Variants in CCDC30 observed in about 807,000 individuals in gnomAD.
CCDC30 encodes the protein coiled-coil domain-containing protein 30.
CCDC30 carries 70 observed loss-of-function variants against 100.2 expected under a neutral mutation model. The ratio of observed to expected loss-of-function variants is 0.70; its 90% CI spans 0.58 to 0.85. The LOEUF (loss-of-function observed/expected upper bound fraction) is 0.85. Ranked by LOEUF, CCDC30 falls within the 40% of genes least tolerant of loss-of-function variation. The pLI, the probability that CCDC30 is intolerant of heterozygous loss-of-function variation, is 0.00. For missense variants in CCDC30, 652 were observed against 771.2 expected (o/e 0.85, Z 1.83); for synonymous variants, 233 against 269.5 (o/e 0.86, Z 1.33).
At chr1:42,552,235 T>C (rs1645266554) in intron 6 of CCDC30, among the ~76,000 whole-genome samples, 2 of 152,292 alleles carry the variant, frequency 1.3e-5, no homozygotes, top group Admixed American at 6.5e-5. Context: ...TTAATAAAAA[T>C]GTAAAATGGC....
chr1:42,634,482 T>C (rs1647110670), intron 11 of CCDC30, among the ~76,000 whole-genome samples: 1 of 152,262 alleles, frequency 6.6e-6, no homozygotes, highest in African/African-American at 2.4e-5. Context: ...TTTAGAGTTA[T>C]TTGGTGTAAT....
upstream of CCDC30, chr1:42,459,994 A>G (rs762935673): frequency 8.6e-6 from 13 of 1,507,178 alleles, no homozygotes; most frequent in African/African-American, 1.5e-4. Flanking sequence ...TACAAAAAAA[A>G]CCATGGCTTT....
intron 1 of CCDC30, among the ~76,000 whole-genome samples, chr1:42,475,888 G>GT (rs989486425): frequency 1.3e-4 from 19 of 148,682 alleles, no homozygotes; most frequent in East Asian, 3.9e-4. Context: ...TCCTCTTTAG[G>GT]TTTTTTTTTT....
intron 6 of CCDC30, among the ~76,000 whole-genome samples, chr1:42,522,346 A>G (rs1644661481): frequency 6.6e-6 from 1 of 152,182 alleles, no homozygotes; most frequent in East Asian, 1.9e-4. Flanking sequence ...TACATTTAAA[A>G]TAATTACAGA....
intron 11 of CCDC30, among the ~76,000 whole-genome samples, chr1:42,615,613 T>TA (rs376719993): frequency 4.8e-4 from 73 of 152,062 alleles, no homozygotes; most frequent in East Asian, 1.4e-3. Flanking sequence ...AAGCAATTCT[T>TA]AAAAAAAACC....
At chr1:42,582,562 T>C (rs1645989435) in intron 9 of CCDC30, among the ~76,000 whole-genome samples, 1 of 152,202 alleles carries the variant, frequency 6.6e-6, no homozygotes, top group Non-Finnish European at 1.5e-5. Flanking sequence ...AGGAATCTGG[T>C]GAAGCTTTCC....
chr1:42,523,569 C>T (rs1038768913), intron 6 of CCDC30, among the ~76,000 whole-genome samples: 2 of 151,960 alleles, frequency 1.3e-5, no homozygotes, highest in African/African-American at 2.4e-5. Context: ...TTGGTGTGGT[C>T]GTCTCTGAGC....
intron 6 of CCDC30, among the ~76,000 whole-genome samples, chr1:42,565,532 AG>A (rs1645587410): frequency 6.6e-6 from 1 of 152,230 alleles, no homozygotes; most frequent in South Asian, 2.1e-4. Context: ...AAAAGACAAA[AG>A]GTAAGTGTTG....
intron 6 of CCDC30, among the ~76,000 whole-genome samples, chr1:42,552,867 G>A (rs773520766): frequency 9.9e-5 from 15 of 152,106 alleles, no homozygotes; most frequent in Admixed American, 2.6e-4. Context: ...CTTCCAGGTG[G>A]GTTGGAATTC....
chr1:42,459,362 C>T, upstream of CCDC30: 2 of 483,036 alleles, frequency 4.1e-6, no homozygotes, highest in Non-Finnish European at 7.4e-6. Flanking sequence ...CATGGTTTTG[C>T]CATGTTGCCC....
chr1:42,642,053 A>G (rs2147315), intron 12 of CCDC30, among the ~76,000 whole-genome samples: 38,180 of 151,770 alleles, frequency 0.25, 5,786 homozygotes, highest in Middle Eastern at 0.35. Context: ...GTGAAACCCC[A>G]TCTCTACTAA....
chr1:42,468,725 AT>A (rs1275488414), intron 1 of CCDC30: 1 of 152,218 alleles, frequency 6.6e-6, no homozygotes, highest in Non-Finnish European at 1.5e-5. Context: ...TGAGGTAGGC[AT>A]TACTATTACA....
In CCDC30 at chr1:42,510,151, G is replaced by A. The variant is rs1050401274; in HGVS notation, c.456+11235G>A. ...GCATTTGAGGGTTTCAATTAGGGTT[G>A]TCAATAAGTACTGCCTCTCTTCCAA... On this transcript the variant is annotated intron_variant, in intron 6 of 16. Transcript: ENST00000668663. 3.1e-6 allele frequency: 3 copies of A among 975,556 alleles called. No individual in the cohort carries two copies. In the African/African-American group the frequency reaches 5.3e-5, roughly 17 times the overall value. The allele number at this position is 975,556 out of a possible 1,614,324, so 60.4% of individuals were successfully genotyped here.
At chr1:42,641,083 C>T (rs1647349431) in intron 12 of CCDC30, among the ~76,000 whole-genome samples, 1 of 151,876 alleles carries the variant, frequency 6.6e-6, no homozygotes, top group African/African-American at 2.4e-5. Context: ...GAGCAAGACC[C>T]TGTTTCTACT....
chr1:42,605,290 C>A (rs372605008), intron 10 of CCDC30, among the ~76,000 whole-genome samples: 1 of 152,088 alleles, frequency 6.6e-6, no homozygotes, highest in South Asian at 2.1e-4. Context: ...TTTGGTAAAG[C>A]CTTGGTGAGG....
At chr1:42,470,381 A>C (rs1643730687) in intron 1 of CCDC30, among the ~76,000 whole-genome samples, 2 of 152,146 alleles carry the variant, frequency 1.3e-5, no homozygotes, top group African/African-American at 4.8e-5. Context: ...AAAATGGTGC[A>C]GCTGCAGTAG....
chr1:42,457,035 A>G, the CCDC30 span: 1 of 1,601,546 alleles, frequency 6.2e-7, no homozygotes, highest in East Asian at 2.2e-5. Flanking sequence ...GACTATTTGC[A>G]TCTGTTGCAG....
At position 42,621,376 on chromosome 1, in the gene CCDC30, C is replaced by T. The variant is rs901743792; in HGVS notation, c.1277+10286C>T. Among the ~76,000 whole-genome samples, 32 of 151,044 alleles carry T rather than the reference C, an allele frequency of 2.1e-4. No homozygotes were observed. In the East Asian group the frequency reaches 2.2e-3, roughly 10 times the overall value. On this transcript the variant is annotated intron_variant, in intron 11 of 16. Coordinates refer to ENST00000668663, the Ensembl canonical transcript of CCDC30. ...GTTGCCCAGGCTGGGAGTGCAGTGG[C>T]GCAATCTCAGCTCACTGCAGCCTTG... is the stretch of plus-strand genomic sequence containing the variant.
Position 42,560,825 on chromosome 1 carries a change from C to T in CCDC30, c.457-5471C>T, listed in dbSNP as rs192767630. On this transcript the variant is annotated intron_variant, in intron 6 of 16. Coordinates refer to ENST00000668663, the Ensembl canonical transcript of CCDC30. ...AACTACCATCAGAGAATATTATAAA[C>T]ACCTCTATGCAAATAAACTAGAAAA... Among the ~76,000 whole-genome samples, 83 of 152,256 alleles carry T rather than the reference C, an allele frequency of 5.5e-4. 1 individual carries two copies. The East Asian group carries it at 0.013, about 24-fold the overall frequency.
Sources: gnomAD v4.1 joint callset for allele counts (sites outside exome capture counted in the v4.1 genomes callset) on GRCh38, gnomAD v4.1.1 for gene constraint, MANE v1.5 for transcripts, NCBI Gene and HGNC (gene_info 2026-07-23, HGNC 2026-07-21) for gene names.